Variants in ZCCHC8 observed in about 807,000 individuals in gnomAD.
ZCCHC8 encodes the protein zinc finger CCHC-type containing 8, also known as zinc finger CCHC domain-containing protein 8.
A neutral mutation model predicts 70.6 loss-of-function variants in ZCCHC8; 27 were observed. The observed-to-expected ratio is 0.38, with a 90% CI of 0.28 to 0.53. ZCCHC8 has a LOEUF of 0.53. ZCCHC8 is among the 20% of genes least tolerant of loss of function. ZCCHC8 has a pLI of 0.81. For synonymous variants in ZCCHC8, 293 were observed against 317.4 expected (o/e 0.92, Z 0.82); for missense variants, 737 against 876.9 (o/e 0.84, Z 2.01).
chr12:122,489,523 AAGTT>A (rs769917400), intron 4 of ZCCHC8, 60 bp from the exon 5 acceptor site: 357 of 1,412,750 alleles, frequency 2.5e-4, no homozygotes, highest in Non-Finnish European at 3.1e-4. Flanking sequence ...GTTTAAATGG[AAGTT>A]AGTAAGTTTA....
chr12:122,489,271 CT>C (rs1957702562), intron 5 of ZCCHC8, 114 bp downstream of exon 5: 1 of 865,834 alleles, frequency 1.2e-6, no homozygotes, highest in Non-Finnish European at 1.7e-6. Context: ...CAAAAAGATG[CT>C]GTTATCAAGT....
chr12:122,494,984 G>A (rs1957804835), intron 2 of ZCCHC8, among the ~76,000 whole-genome samples: 1 of 152,186 alleles, frequency 6.6e-6, no homozygotes, highest in Admixed American at 6.5e-5. Context: ...TATGATTAAG[G>A]AAGTCATTGC....
chr12:122,481,445 C>T (rs1957531511), intron 10 of ZCCHC8, 77 bp downstream of exon 10: 1 of 1,475,508 alleles, frequency 6.8e-7, no homozygotes, highest in African/African-American at 1.5e-5. Flanking sequence ...CCATTCCTAT[C>T]ACATTTTGTT....
Position 122,500,727 on chromosome 12 carries a change from CTCGTCGCCG to C in ZCCHC8, c.105_113del (p.Asp35_Asp37del), listed in dbSNP as rs760259506. The C allele has an allele frequency of 9.5e-6, 15 of 1,583,846 alleles. No homozygotes were observed. The African/African-American group carries it at 1.9e-4, about 20-fold the overall frequency. ...CGTCGCCGACCCCATTTTCGTCCTC[CTCGTCGCCG>C]TCGTCGTCCTTGAAGCGAGTGTGAA... is the stretch of plus-strand genomic sequence containing the variant. On this transcript the variant is annotated inframe_deletion, in exon 1 of 14. Coordinates refer to ENST00000633063, the MANE Select transcript of ZCCHC8 (RefSeq NM_017612.5). The surrounding 1 kb of genome is among the most constrained non-coding windows in gnomAD (Gnocchi z 4.8).
At chr12:122,487,362 C>T (rs1366243019) in intron 5 of ZCCHC8, among the ~76,000 whole-genome samples, 1 of 152,168 alleles carries the variant, frequency 6.6e-6, no homozygotes, top group Non-Finnish European at 1.5e-5. Flanking sequence ...AAACAAAATT[C>T]CCAGTTTCTA....
intron 8 of ZCCHC8, 140 bp downstream of exon 8, chr12:122,482,495 A>AAAGATTTCAAATTAAAGGACAC (rs1234332265): frequency 5.8e-6 from 3 of 521,128 alleles, no homozygotes; most frequent in Non-Finnish European, 9.9e-6. Context: ...ACAAATTTGA[A>AAAGATTTCAAATTAAAGGACAC]AAGATTTCAA....
intron 13 of ZCCHC8, among the ~76,000 whole-genome samples, chr12:122,474,477 GT>G (rs1402927212): frequency 2.0e-5 from 3 of 152,168 alleles, no homozygotes; most frequent in Non-Finnish European, 2.9e-5. Flanking sequence ...AGGGATAGCT[GT>G]CAGGATCTTC....
At chr12:122,492,860 TA>T in intron 2 of ZCCHC8, 71 bp from the exon 3 acceptor site, 1 of 1,036,786 alleles carries the variant, frequency 9.6e-7, no homozygotes, top group Non-Finnish European at 1.4e-6. Context: ...TATAAACGCA[TA>T]ACTTTTATAC....
At position 122,490,571 on chromosome 12, in the gene ZCCHC8, T is replaced by C; in HGVS notation, c.318-4A>G. On this transcript the variant is annotated splice_region_variant and splice_polypyrimidine_tract_variant and intron_variant, in intron 3 of 13. Transcript: ENST00000633063. ...CTCTATTTCTTGATGATATTGCCTG[T>C]GTAAGAGGACAAAATGGTCAGAACC... 2 of 1,586,738 alleles carry C rather than the reference T, an allele frequency of 1.3e-6. No homozygotes were observed. Among genetic ancestry groups the C allele is most frequent in the Non-Finnish European group, 8.6e-7 (1 of 1,161,302 alleles).
At chr12:122,492,041 AGGTTATGGACCTGACCTT>A (rs1957755740) in intron 3 of ZCCHC8, 1 of 152,244 alleles carries the variant, frequency 6.6e-6, no homozygotes, top group Non-Finnish European at 1.5e-5. Context: ...GGGATAGAGT[AGGTTATGGACCTGACCTT>A]GGTCAGCATT....
At chr12:122,487,826 CT>C (rs1957669311) in intron 5 of ZCCHC8, among the ~76,000 whole-genome samples, 1 of 151,992 alleles carries the variant, frequency 6.6e-6, no homozygotes, top group African/African-American at 2.4e-5. Flanking sequence ...ATATCTCTTT[CT>C]TTTTTATATA....
chr12:122,490,662 G>A, intron 3 of ZCCHC8, 95 bp from the exon 4 acceptor site: 1 of 691,376 alleles, frequency 1.4e-6, no homozygotes, highest in Non-Finnish European at 2.3e-6. Context: ...AAGTGTGAAT[G>A]TTGTTGTTTT....
chr12:122,496,903 T>C (rs1957834015), intron 2 of ZCCHC8, among the ~76,000 whole-genome samples: 1 of 152,070 alleles, frequency 6.6e-6, no homozygotes, highest in South Asian at 2.1e-4. Context: ...TCCCAGCACT[T>C]TGGGAAGCCG....
Position 122,474,164 on chromosome 12 carries a change from G to T in ZCCHC8, c.1457C>A (p.Pro486His). 1 of 1,515,828 alleles carries T rather than the reference G, an allele frequency of 6.6e-7. No individual in the cohort carries two copies. The highest frequency in any genetic ancestry group is 8.8e-7 in the Non-Finnish European group (1 of 1,139,330). 93.9% of individuals were successfully genotyped at this position (1,515,828 alleles called of 1,614,324 possible). Residue 486 changes from proline to histidine, a missense_variant, in exon 14 of 14, where the codon CCT becomes CAT. Pro to His is a moderately conservative substitution (Grantham distance 77, BLOSUM62 -2). Coordinates refer to ENST00000633063, the MANE Select transcript of ZCCHC8 (RefSeq NM_017612.5). The part of the protein sequence containing the change: ...PRGTPPPVFT[P>H]PLPKGTPPLT... ...CGGCGGGGTGCCCTTTGGGAGTGGA[G>T]GGGTGAAGACGGGTGGAGGAGTTCC...
At chr12:122,484,783 C>T (rs1957602773) in intron 5 of ZCCHC8, among the ~76,000 whole-genome samples, 1 of 152,116 alleles carries the variant, frequency 6.6e-6, no homozygotes, top group Non-Finnish European at 1.5e-5. Context: ...AACAATGGAG[C>T]TTCCCAATGA....
At chr12:122,487,820 C>A (rs1374979349) in intron 5 of ZCCHC8, among the ~76,000 whole-genome samples, 1 of 152,042 alleles carries the variant, frequency 6.6e-6, no homozygotes, top group African/African-American at 2.4e-5. Context: ...AGGCCCATAT[C>A]TCTTTCTTTT....
At chr12:122,496,846 G>C (rs73407808) in intron 2 of ZCCHC8, among the ~76,000 whole-genome samples, 3,519 of 152,202 alleles carry the variant, frequency 0.023, 89 homozygotes, top group African/African-American at 0.063. Flanking sequence ...GAGATATGAG[G>C]AAGTTAATTT....
chr12:122,473,806 T>C lies in ZCCHC8; in HGVS notation c.1815A>G (p.Ser605=). The change falls in exon 14 of 14, where the codon TCA becomes TCG. Residue 605 remains serine, a synonymous_variant. Coordinates refer to ENST00000633063, the MANE Select transcript of ZCCHC8 (RefSeq NM_017612.5). ...HASSPDSEVT[S]LCQKEKAELA... ...ACTCTGCTTTTTCCTTCTGACAAAG[T>C]GATGTCACCTCAGAGTCTGGACTGG... is the stretch of plus-strand genomic sequence containing the variant. 1.2e-6 allele frequency: 2 copies of C among 1,613,284 alleles called. No individual in the cohort carries two copies. Among genetic ancestry groups the C allele is most frequent in the Non-Finnish European group, 1.7e-6 (2 of 1,179,566 alleles).
At chr12:122,492,956 C>T (rs970401995) in intron 2 of ZCCHC8, among the ~76,000 whole-genome samples, 167 bp from the exon 3 acceptor site, 1 of 151,970 alleles carries the variant, frequency 6.6e-6, no homozygotes, top group East Asian at 1.9e-4. Flanking sequence ...CTGCAACCTC[C>T]GCCTCCCGAG....
Sources: allele counts gnomAD v4.1 joint callset (sites outside exome capture counted in the v4.1 genomes callset), GRCh38; gene constraint gnomAD v4.1.1; non-coding constraint Gnocchi (gnomAD v3.1); transcripts MANE v1.5; gene names NCBI Gene and HGNC (gene_info 2026-07-23, HGNC 2026-07-21).